Variants in TENM4 observed in about 807,000 individuals in gnomAD.
TENM4 encodes the protein teneurin transmembrane protein 4.
In TENM4, 82 loss-of-function variants were observed where a neutral mutation model predicts 243.3. The observed-to-expected ratio is 0.34, with a 90% confidence interval of 0.28 to 0.40. The LOEUF (loss-of-function observed/expected upper bound fraction) is 0.40. Among genes scored for constraint, TENM4 ranks in the 10% least tolerant of loss-of-function variants. The probability of loss-of-function intolerance (pLI) is 1.00; values close to 1 mark genes in which losing one functional copy is unlikely to be tolerated. For synonymous variants in TENM4, 1,412 were observed against 1,456.3 expected, an observed-to-expected ratio of 0.97 and a Z score of 0.69; for missense variants, 3,138 against 3,673.3, an observed-to-expected ratio of 0.85 and a Z score of 3.77.
At chr11:78,723,797 C>T (rs890193812) in intron 23 of TENM4, among the ~76,000 whole-genome samples, 50 of 152,200 alleles carry the variant, frequency 3.3e-4, no homozygotes, top group African/African-American at 1.2e-3. Context: ...TCAGGATCTT[C>T]TCCCAAACTG....
intron 6 of TENM4, among the ~76,000 whole-genome samples, chr11:78,994,618 C>T: frequency 6.6e-6 from 1 of 152,208 alleles, no homozygotes; most frequent in East Asian, 1.9e-4. Context: ...TTTACAATCG[C>T]TTACGGTAGG....
intron 3 of TENM4, among the ~76,000 whole-genome samples, chr11:79,205,781 G>T (rs1337029073): frequency 6.6e-6 from 1 of 152,144 alleles, no homozygotes; most frequent in Non-Finnish European, 1.5e-5. Context: ...TCTTGGACTG[G>T]GTGGTAGGTA....
At chr11:79,293,220 C>T (rs918427338) in intron 2 of TENM4, among the ~76,000 whole-genome samples, 2 of 152,116 alleles carry the variant, frequency 1.3e-5, no homozygotes. Flanking sequence ...ATTATGAAAT[C>T]TTTGGCATAT....
chr11:78,724,779 T>C (rs1048776509), intron 23 of TENM4, among the ~76,000 whole-genome samples: 10 of 152,244 alleles, frequency 6.6e-5, no homozygotes, highest in Non-Finnish European at 1.5e-4. Flanking sequence ...GTAAAAGTGA[T>C]ATGGGCAGCT....
chr11:78,734,100 G>A (rs1335462940), intron 20 of TENM4, among the ~76,000 whole-genome samples: 1 of 152,168 alleles, frequency 6.6e-6, no homozygotes, highest in Non-Finnish European at 1.5e-5. Flanking sequence ...GCTGAGGCAG[G>A]AGAATGGCTT....
intron 4 of TENM4, among the ~76,000 whole-genome samples, chr11:79,084,128 C>T (rs1423663342): frequency 6.6e-6 from 1 of 152,286 alleles, no homozygotes; most frequent in Middle Eastern, 3.4e-3. Context: ...TATTCACCAT[C>T]GTTAGCCATC....
rs57066368 is a variant in TENM4 at position 79,218,238 on chromosome 11, A to T, written c.-264-2329T>A. 1.8e-3 allele frequency among the ~76,000 whole-genome samples: 188 copies of T among 106,686 alleles called. 1 individual carries two copies. The highest frequency in any genetic ancestry group is 6.2e-3 in the African/African-American group (178 of 28,532). The allele number at this position is 106,686 out of a possible 152,430, so 70.0% of individuals were successfully genotyped here. On this transcript the variant is annotated intron_variant, in intron 2 of 33. Coordinates refer to ENST00000278550, the MANE Select transcript of TENM4 (RefSeq NM_001098816.3). Reference sequence around the variant, plus strand: ...TTAGAAGTTTACCCCCTGCCCACCCACCCCCGACACACACAACCCCACCCC... The same window carrying T: ...TTAGAAGTTTACCCCCTGCCCACCCTCCCCCGACACACACAACCCCACCCC...
At chr11:78,968,498 C>T (rs1447178706) in intron 6 of TENM4, among the ~76,000 whole-genome samples, 2 of 152,166 alleles carry the variant, frequency 1.3e-5, no homozygotes, top group African/African-American at 4.8e-5. Context: ...GTTGCCCAGA[C>T]TGCTATTTTC....
At chr11:78,725,150 C>T (rs1480555535) in intron 23 of TENM4, among the ~76,000 whole-genome samples, 2 of 152,202 alleles carry the variant, frequency 1.3e-5, no homozygotes, top group Non-Finnish European at 1.5e-5. Context: ...GTTCCTGTGC[C>T]AGCACCACAC....
intron 1 of TENM4, among the ~76,000 whole-genome samples, chr11:79,432,279 A>G (rs899090812): frequency 1.1e-4 from 17 of 152,138 alleles, no homozygotes; most frequent in East Asian, 5.8e-4. Flanking sequence ...GTTTTCTCCA[A>G]TGCAACGTGA....
chr11:78,957,692 A>T (rs1222776051), intron 6 of TENM4, among the ~76,000 whole-genome samples: 1 of 152,230 alleles, frequency 6.6e-6, no homozygotes, highest in East Asian at 1.9e-4. Flanking sequence ...AAGGCAAGGC[A>T]GTAAGGACCC....
intron 33 of TENM4, 96 bp downstream of exon 33, chr11:78,661,353 G>T (rs572714998): frequency 2.0e-6 from 3 of 1,473,020 alleles, no homozygotes; most frequent in Non-Finnish European, 2.7e-6. Context: ...CCACATTGGT[G>T]TCTATCACTG....
intron 3 of TENM4, among the ~76,000 whole-genome samples, chr11:79,170,311 T>G (rs1005245075): frequency 1.3e-5 from 2 of 152,182 alleles, no homozygotes; most frequent in Admixed American, 6.5e-5. Flanking sequence ...CTGCCTATGA[T>G]GCAAAATGGC....
intron 15 of TENM4, among the ~76,000 whole-genome samples, chr11:78,799,885 T>C (rs1375041889): frequency 2.6e-5 from 4 of 151,926 alleles, no homozygotes; most frequent in Non-Finnish European, 5.9e-5. Context: ...ATAAAAGTCA[T>C]TTATGGGAGA....
rs1167555188 is a variant in TENM4, at chr11:78,669,684, C to T, written c.6661G>A (p.Gly2221Arg). The change falls in exon 32 of 34, where the codon GGG (glycine) becomes AGG (arginine). Residue 2221 changes from glycine (G) to arginine (R), a missense_variant. Gly to Arg is a moderately radical substitution (Grantham distance 125, BLOSUM62 -2). Around this residue, in one of 2 missense-constraint regions of TENM4, gnomAD observed 2,467 missense variants for 3,059.1 expected, o/e 0.81. Transcript: ENST00000278550. The surrounding 1 kb of genome is among the most constrained non-coding windows in gnomAD (Gnocchi z 6.4). ...CCAGGGCTCAGTAAGTGCAGGTTCC[C>T]ATTGAGGTCGTAGCTGTAGCGCCAG... The part of the protein sequence containing the change: ...PLWRYSYDLN[G>R]NLHLLSPGNS... 14 of 1,613,960 alleles carry T rather than the reference C, an allele frequency of 8.7e-6. No individual in the cohort carries two copies. Among genetic ancestry groups the T allele is most frequent in the Non-Finnish European group, 1.2e-5 (14 of 1,179,884 alleles).
At chr11:78,735,583 C>T (rs1013429478) in intron 20 of TENM4, among the ~76,000 whole-genome samples, 3 of 152,190 alleles carry the variant, frequency 2.0e-5, no homozygotes, top group African/African-American at 7.2e-5. Context: ...GAGGGGAAAC[C>T]CTGCTTTGGA....
At chr11:78,714,099 C>T (rs2135810893) in intron 25 of TENM4, among the ~76,000 whole-genome samples, 1 of 152,280 alleles carries the variant, frequency 6.6e-6, no homozygotes, top group South Asian at 2.1e-4. Context: ...GTGATGAGAG[C>T]ACCAGCAGGG....
At chr11:78,982,212 C>A (rs1857813573) in intron 6 of TENM4, among the ~76,000 whole-genome samples, 1 of 152,110 alleles carries the variant, frequency 6.6e-6, no homozygotes, top group African/African-American at 2.4e-5. Context: ...TTGGCAAGTA[C>A]CATGTGCCAG....
At chr11:78,709,246 T>A (rs1859342131) in intron 26 of TENM4, among the ~76,000 whole-genome samples, 2 of 151,866 alleles carry the variant, frequency 1.3e-5, no homozygotes, top group African/African-American at 4.8e-5. Flanking sequence ...ATTACAGGCG[T>A]GAGCCACCAT....
Sources: gnomAD v4.1 joint callset for allele counts (sites outside exome capture counted in the v4.1 genomes callset) on GRCh38, gnomAD v4.1.1 for gene constraint, gnomAD v4.1.1 regional missense constraint, Gnocchi (gnomAD v3.1) non-coding constraint, MANE v1.5 for transcripts, NCBI Gene and HGNC (gene_info 2026-07-23, HGNC 2026-07-21) for gene names.